MEI4: variants seen among roughly 807,000 people sequenced by gnomAD.
MEI4 encodes the protein meiotic double-stranded break formation protein 4.
Under a neutral mutation model 31.4 loss-of-function variants are expected in MEI4, and 27 were observed. The observed-to-expected ratio is 0.86, with a 90% CI of 0.63 to 1.19. The LOEUF is 1.19. Ranked by LOEUF, MEI4 falls within the 50% of genes most tolerant of loss-of-function variation. MEI4 has a pLI of 0.00. For synonymous variants in MEI4, 122 were observed against 145.4 expected, an observed-to-expected ratio of 0.84 and a Z score of 1.16; for missense variants, 329 against 398.9, an observed-to-expected ratio of 0.82 and a Z score of 1.49.
intron 1 of MEI4, among the ~76,000 whole-genome samples, chr6:77,660,958 GAGA>G (rs932618816): frequency 3.9e-5 from 6 of 152,186 alleles, no homozygotes; most frequent in Non-Finnish European, 8.8e-5. Context: ...GAGTAGGCAA[GAGA>G]AGATTAGCAG....
Position 77,923,326 on chromosome 6 carries a change from A to G in MEI4, c.1138A>G (p.Ile380Val), listed in dbSNP as rs1766755513. ...GGGCATTCTTTTGAGCTCAGCACAG[A>G]TAGAAACTCTTAGAAAATAACTCCA... ...RVGILLSSAQ[I>V]ETLRK The change falls in exon 5 of 5, where the codon ATA becomes GTA. Residue 380 changes from isoleucine to valine, a missense_variant. Coordinates refer to ENST00000684080, the MANE Select transcript of MEI4 (RefSeq NM_001322247.2). The G allele has an allele frequency of 8.1e-7, 1 of 1,229,982 alleles. No individual in the cohort carries two copies. Among genetic ancestry groups the G allele is most frequent in the Non-Finnish European group, 1.0e-6 (1 of 986,436 alleles). The allele number at this position is 1,229,982 out of a possible 1,614,324, so 76.2% of individuals were successfully genotyped here. A position where few individuals can be genotyped will look rare whatever the true frequency, so the allele number is the denominator to read the frequency against.
chr6:77,728,767 C>T (rs1164187600), intron 2 of MEI4, among the ~76,000 whole-genome samples: 2 of 152,098 alleles, frequency 1.3e-5, no homozygotes, highest in Non-Finnish European at 2.9e-5. Flanking sequence ...GGCTGTGGAG[C>T]AGAGCAAGTA....
At chr6:77,686,769 G>A (rs1383059022) in intron 1 of MEI4, among the ~76,000 whole-genome samples, 1 of 151,728 alleles carries the variant, frequency 6.6e-6, no homozygotes, top group Non-Finnish European at 1.5e-5. Context: ...GGGACAAAGG[G>A]GAATACATAC....
intron 2 of MEI4, among the ~76,000 whole-genome samples, chr6:77,730,285 G>A (rs1766941043): frequency 6.6e-6 from 1 of 152,098 alleles, no homozygotes; most frequent in Non-Finnish European, 1.5e-5. Flanking sequence ...AAATTATGCA[G>A]GTGGATTCAC....
chr6:77,712,887 C>T (rs969392336), intron 2 of MEI4, among the ~76,000 whole-genome samples: 11 of 151,278 alleles, frequency 7.3e-5, no homozygotes, highest in Admixed American at 3.3e-4. Context: ...AGGAGAATGG[C>T]GTAAACCCGG....
At chr6:77,790,232 T>C (rs1320174850) in intron 3 of MEI4, among the ~76,000 whole-genome samples, 2 of 128,452 alleles carry the variant, frequency 1.6e-5, no homozygotes, top group Non-Finnish European at 1.6e-5. Flanking sequence ...AAGTGGAACA[T>C]CACACACCAG....
chr6:77,850,926 A>C (rs1366505555), intron 4 of MEI4, among the ~76,000 whole-genome samples: 1 of 152,098 alleles, frequency 6.6e-6, no homozygotes, highest in African/African-American at 2.4e-5. Context: ...CAAAGAACTC[A>C]AACAAATTTA....
At chr6:77,699,020 GTCTTCCATCACTGATACCCTT>G (rs1180824061) in intron 2 of MEI4, among the ~76,000 whole-genome samples, 5 of 151,146 alleles carry the variant, frequency 3.3e-5, no homozygotes, top group African/African-American at 1.2e-4. Flanking sequence ...CATTCATTTC[GTCTTCCATCACTGATACCCTT>G]TCTTCCAGTT....
intron 3 of MEI4, among the ~76,000 whole-genome samples, chr6:77,762,607 T>C (rs534605449): frequency 1.5e-4 from 23 of 152,336 alleles, no homozygotes; most frequent in Non-Finnish European, 2.6e-4. Flanking sequence ...CTCCGTGCTA[T>C]GATCTAACAT....
rs140601215 is a variant in MEI4, at chr6:77,808,582, A to G, written c.769-20349A>G. 5.0e-3 allele frequency among the ~76,000 whole-genome samples: 765 copies of G among 152,296 alleles called. 2 individuals are homozygous for G. Among genetic ancestry groups the G allele is most frequent in the Middle Eastern group, 0.017 (5 of 294 alleles). On this transcript the variant is annotated intron_variant, in intron 3 of 4. Transcript: ENST00000684080. ...CTGGTATTTTAATGTTTGCAAAAGG[A>G]AAAAGGAGGTCAGGCAACAGATGAA...
chr6:77,828,877 T>C, intron 3 of MEI4, 54 bp from the exon 4 acceptor site: 1 of 1,213,578 alleles, frequency 8.2e-7, no homozygotes, highest in Non-Finnish European at 1.0e-6. Context: ...TCTTAGAAAA[T>C]ACATTTTGAT....
In MEI4 at chr6:77,841,333, A is replaced by ATATTTTTTT; in HGVS notation, c.900+12272_900+12273insATTTTTTTT. ...TGTGTGCATATATATATATATATAT[A>ATATTTTTTT]TTTTTTTTTTTTTTTTTTTTTTTGA... On this transcript the variant is annotated intron_variant, in intron 4 of 4. Coordinates refer to ENST00000684080, the MANE Select transcript of MEI4 (RefSeq NM_001322247.2). Among the ~76,000 whole-genome samples, 70 of 27,742 alleles carry ATATTTTTTT rather than the reference A, an allele frequency of 2.5e-3. 5 individuals are homozygous for ATATTTTTTT. Among genetic ancestry groups the ATATTTTTTT allele is most frequent in the African/African-American group, 9.4e-3 (29 of 3,076 alleles). The allele number at this position is 27,742 out of a possible 152,430, so 18.2% of individuals were successfully genotyped here.
rs915249444 is a variant in MEI4 at position 77,820,933 on chromosome 6, C to A, written c.769-7998C>A. 6.6e-6 allele frequency among the ~76,000 whole-genome samples: 1 copy of A among 151,418 alleles called. No homozygotes were observed. Among genetic ancestry groups the A allele is most frequent in the African/African-American group, 2.4e-5 (1 of 41,248 alleles). Reference sequence around the variant, plus strand: ...TTTTTTCTTTTTCTTTTTTTGAATTCTATTTAAAGATACTATAGCTTCTTA... The same window carrying A: ...TTTTTTCTTTTTCTTTTTTTGAATTATATTTAAAGATACTATAGCTTCTTA... On this transcript the variant is annotated intron_variant, in intron 3 of 4. Transcript: ENST00000684080. This position sits in a 1 kb window ranked among gnomAD's most constrained non-coding sequence, Gnocchi z 4.5.
intron 1 of MEI4, among the ~76,000 whole-genome samples, chr6:77,658,445 G>C (rs539765555): frequency 6.6e-6 from 1 of 152,186 alleles, no homozygotes; most frequent in East Asian, 1.9e-4. Flanking sequence ...GGCTTGGCTT[G>C]GGCTCAGAGG....
Position 77,832,528 on chromosome 6 carries a change from T to C in MEI4, c.900+3466T>C, listed in dbSNP as rs190071838. The stretch of plus-strand genomic sequence containing the variant: ...ATTATTCCAAACATTTCATAGTCCA[T>C]CAAATATTTTGCATATATTTTTGTT... On this transcript the variant is annotated intron_variant, in intron 4 of 4. Transcript: ENST00000684080. Among the ~76,000 whole-genome samples the C allele has an allele frequency of 1.4e-3, 212 of 152,204 alleles. 1 individual carries two copies. The highest frequency in any genetic ancestry group is 4.5e-3 in the African/African-American group (186 of 41,574).
chr6:77,735,501 T>C (rs1287971530), intron 2 of MEI4, among the ~76,000 whole-genome samples: 1 of 152,064 alleles, frequency 6.6e-6, no homozygotes, highest in African/African-American at 2.4e-5. Flanking sequence ...CTTTAAGCAC[T>C]TCTCTGTATT....
intron 4 of MEI4, among the ~76,000 whole-genome samples, chr6:77,846,420 C>T (rs1770488368): frequency 6.6e-6 from 1 of 152,088 alleles, no homozygotes; most frequent in Non-Finnish European, 1.5e-5. Flanking sequence ...GTCAAATTAT[C>T]TCCTCTGGTT....
intron 3 of MEI4, among the ~76,000 whole-genome samples, chr6:77,796,782 C>A (rs1331708829): frequency 6.6e-6 from 1 of 152,178 alleles, no homozygotes; most frequent in South Asian, 2.1e-4. Context: ...GCTACAGATT[C>A]AGTGCCATCC....
At position 77,743,353 on chromosome 6, in the gene MEI4, A is replaced by C. The variant is rs140634397; in HGVS notation, c.233-17777A>C. 6.9e-3 allele frequency among the ~76,000 whole-genome samples: 1,056 copies of C among 152,044 alleles called. 15 individuals carry two copies. The highest frequency in any genetic ancestry group is 0.024 in the African/African-American group (997 of 41,436). ...GTCCTTCACATCCCTTGTAAGTTGG[A>C]TTCCTGGGTATTTTACTCTCTTTGA... On this transcript the variant is annotated intron_variant, in intron 2 of 4. Coordinates refer to ENST00000684080, the MANE Select transcript of MEI4 (RefSeq NM_001322247.2).
Sources: gnomAD v4.1 joint callset for allele counts (sites outside exome capture counted in the v4.1 genomes callset) on GRCh38, gnomAD v4.1.1 for gene constraint, Gnocchi (gnomAD v3.1) non-coding constraint, MANE v1.5 for transcripts, NCBI Gene and HGNC (gene_info 2026-07-23, HGNC 2026-07-21) for gene names.